The following KMT2C variants were observed in gnomAD, a reference collection of about 807,000 sequenced individuals.
KMT2C encodes the protein lysine methyltransferase 2C, also known as histone-lysine N-methyltransferase 2C.
In KMT2C, 88 loss-of-function variants were observed where a neutral mutation model predicts 507.9. That is an observed-to-expected ratio of 0.17 (90% CI 0.15 to 0.21). The LOEUF (loss-of-function observed/expected upper bound fraction) is 0.21, where lower values mean the gene tolerates loss of function less well. KMT2C is among the 10% of genes least tolerant of loss of function. The pLI is 1.00. For missense variants in KMT2C, 4,954 were observed against 5,957.8 expected, an observed-to-expected ratio of 0.83 and a Z score of 5.55; for synonymous variants, 2,049 against 2,080.8, an observed-to-expected ratio of 0.98 and a Z score of 0.42.
chr7:152,295,125 A>G (rs564695917), intron 6 of KMT2C, among the ~76,000 whole-genome samples: 1 of 152,328 alleles, frequency 6.6e-6, no homozygotes, highest in East Asian at 1.9e-4. Flanking sequence ...TATGCATTCT[A>G]TTACAATATT....
At chr7:152,226,160 A>C (rs941494076) in intron 18 of KMT2C, among the ~76,000 whole-genome samples, 3 of 149,346 alleles carry the variant, frequency 2.0e-5, no homozygotes, top group Non-Finnish European at 4.5e-5. Context: ...AAAGATTAAA[A>C]GCGACTGCCT....
At chr7:152,193,900 T>C (rs1181462722) in intron 31 of KMT2C, 109 bp downstream of exon 31, 4 of 925,476 alleles carry the variant, frequency 4.3e-6, no homozygotes, top group Non-Finnish European at 4.6e-6. Flanking sequence ...TATCAGTTTG[T>C]ATACGTGGCT....
intron 55 of KMT2C, among the ~76,000 whole-genome samples, chr7:152,142,593 C>G (rs2090691237): frequency 6.6e-6 from 1 of 152,164 alleles, no homozygotes; most frequent in Admixed American, 6.5e-5. Context: ...TGGGAATATA[C>G]CCCATAGGAG....
intron 6 of KMT2C, among the ~76,000 whole-genome samples, chr7:152,303,582 T>C (rs1308608841): frequency 1.3e-5 from 2 of 152,234 alleles, no homozygotes; most frequent in African/African-American, 4.8e-5. Context: ...CTCACTCTCA[T>C]GGTGCTTACA....
At position 152,307,191 on chromosome 7, in the gene KMT2C, GAGGGAGGAAGGAAGGAAGGA is replaced by G. The variant is rs1254000416; in HGVS notation, c.849+2755_849+2774del. 1.1e-3 allele frequency among the ~76,000 whole-genome samples: 97 copies of G among 88,208 alleles called. 1 individual carries two copies. Among genetic ancestry groups the G allele is most frequent in the Middle Eastern group, 5.7e-3 (1 of 174 alleles). The allele number at this position is 88,208 out of a possible 152,430, so 57.9% of individuals were successfully genotyped here. On this transcript the variant is annotated intron_variant, in intron 6 of 58. Coordinates refer to ENST00000262189, the MANE Select transcript of KMT2C (RefSeq NM_170606.3). ...GAAAGAAGAGGAAGGAAGGAAAGAA[GAGGGAGGAAGGAAGGAAGGA>G]AGGAAGGAAGGAAGGAAGGAAGGAA...
chr7:152,216,545 TA>T (rs1230399449), intron 23 of KMT2C, among the ~76,000 whole-genome samples: 1 of 152,226 alleles, frequency 6.6e-6, no homozygotes, highest in African/African-American at 2.4e-5. Context: ...ACTTTAATTT[TA>T]AATTCATCAA....
chr7:152,358,712 TA>T, intron 1 of KMT2C, 37 bp from the exon 2 acceptor site: 1 of 1,315,310 alleles, frequency 7.6e-7, no homozygotes, highest in Non-Finnish European at 1.1e-6. Context: ...TACATAGAGT[TA>T]AATGTTAAAT....
intron 15 of KMT2C, among the ~76,000 whole-genome samples, chr7:152,236,320 C>T (rs1300751389): frequency 1.3e-5 from 2 of 152,192 alleles, no homozygotes; most frequent in East Asian, 1.9e-4. Flanking sequence ...TAACTGGTCT[C>T]GCGGTGATTA....
In KMT2C at chr7:152,364,609, C is replaced by CAAAAAAAAAAAA. The variant is rs568794506; in HGVS notation, c.162-5935_162-5934insTTTTTTTTTTTT. On this transcript the variant is annotated intron_variant, in intron 1 of 58. Coordinates refer to ENST00000262189, the MANE Select transcript of KMT2C (RefSeq NM_170606.3). ...GGGTGACAGAGCGAGACTCCGTCTC[C>CAAAAAAAAAAAA]AAAAAAAAAAAGAAAAGAAAAAAAG... is the stretch of plus-strand genomic sequence containing the variant. Among the ~76,000 whole-genome samples, 42 of 90,814 alleles carry CAAAAAAAAAAAA rather than the reference C, an allele frequency of 4.6e-4. 1 individual carries two copies. Among genetic ancestry groups the CAAAAAAAAAAAA allele is most frequent in the African/African-American group, 1.9e-3 (40 of 20,562 alleles). The allele number at this position is 90,814 out of a possible 152,430, so 59.6% of individuals were successfully genotyped here.
chr7:152,415,848 C>G (rs1161723260), intron 1 of KMT2C, among the ~76,000 whole-genome samples: 1 of 152,120 alleles, frequency 6.6e-6, no homozygotes, highest in Non-Finnish European at 1.5e-5. Context: ...CCACGGCACT[C>G]CAGCCTGGGC....
chr7:152,166,849 C>T (rs950263176), intron 42 of KMT2C, among the ~76,000 whole-genome samples: 11 of 152,106 alleles, frequency 7.2e-5, no homozygotes, highest in South Asian at 2.1e-4. Flanking sequence ...AAAAAAATAA[C>T]GTCTCCAACT....
chr7:152,331,535 G>A (rs1054102553), intron 2 of KMT2C, among the ~76,000 whole-genome samples: 2 of 151,314 alleles, frequency 1.3e-5, no homozygotes, highest in South Asian at 2.1e-4. Flanking sequence ...ATCAAGCCCC[G>A]GCAGCGGAGG....
chr7:152,200,831 C>T (rs1014880535), intron 26 of KMT2C, among the ~76,000 whole-genome samples: 6 of 152,076 alleles, frequency 3.9e-5, no homozygotes, highest in Non-Finnish European at 7.4e-5. Context: ...CAATACTACC[C>T]TTTGAGAAAA....
Position 152,357,782 on chromosome 7 carries a change from T to TATATA in KMT2C, c.250+800_250+804dup, listed in dbSNP as rs1489099905. Among the ~76,000 whole-genome samples the TATATA allele has an allele frequency of 3.9e-5, 6 of 152,190 alleles. 1 individual carries two copies. The highest frequency in any genetic ancestry group is 3.9e-4 in the Admixed American group (6 of 15,272). ...TTGAAGGCTTTCCAAGAATTATACCTATATAATAGCAACACATCTGACAAC... is the reference window on the plus strand; with the variant it reads ...TTGAAGGCTTTCCAAGAATTATACCTATATAATATAATAGCAACACATCTGACAAC... On this transcript the variant is annotated intron_variant, in intron 2 of 58. Coordinates refer to ENST00000262189, the MANE Select transcript of KMT2C (RefSeq NM_170606.3).
intron 23 of KMT2C, among the ~76,000 whole-genome samples, chr7:152,219,827 C>T (rs1011572387): frequency 2.6e-5 from 4 of 151,924 alleles, no homozygotes. Flanking sequence ...CATGGCAAAA[C>T]CCCATCTCTA....
At chr7:152,390,061 G>C (rs865936126) in intron 1 of KMT2C, among the ~76,000 whole-genome samples, 29 of 152,220 alleles carry the variant, frequency 1.9e-4, no homozygotes, top group Non-Finnish European at 3.8e-4. Flanking sequence ...GATTCCAAAA[G>C]AGAAGGTAGA....
chr7:152,242,214 ACTG>A (rs2095399867), intron 14 of KMT2C, among the ~76,000 whole-genome samples: 1 of 152,116 alleles, frequency 6.6e-6, no homozygotes, highest in Admixed American at 6.5e-5. Context: ...CTTTCTGTTC[ACTG>A]CTATGTTAAG....
intron 22 of KMT2C, among the ~76,000 whole-genome samples, 184 bp from the exon 23 acceptor site, chr7:152,220,919 T>C (rs2094745250): frequency 6.6e-6 from 1 of 152,186 alleles, no homozygotes; most frequent in Admixed American, 6.5e-5. Context: ...ATAGGTCAAA[T>C]TTCCTTGGAT....
intron 31 of KMT2C, among the ~76,000 whole-genome samples, chr7:152,189,288 CTTTG>C (rs1034564745): frequency 1.3e-4 from 20 of 152,138 alleles, no homozygotes; most frequent in African/African-American, 4.1e-4. Flanking sequence ...ACAACAAAAA[CTTTG>C]TTTACCTTCA....
Sources: gnomAD v4.1 joint callset for allele counts (sites outside exome capture counted in the v4.1 genomes callset) on GRCh38, gnomAD v4.1.1 for gene constraint, MANE v1.5 for transcripts, NCBI Gene and HGNC (gene_info 2026-07-23, HGNC 2026-07-21) for gene names.